GALNT18: variants seen among roughly 807,000 people sequenced by gnomAD.
GALNT18 encodes GalNAc-transferase 18.
GALNT18 carries 44 observed loss-of-function variants against 69.5 expected under a neutral mutation model. The ratio of observed to expected loss-of-function variants is 0.63; its 90% CI spans 0.50 to 0.81. The LOEUF is 0.81. Ranked by LOEUF, GALNT18 falls within the 40% of genes least tolerant of loss-of-function variation. The pLI is 0.00. For synonymous variants in GALNT18, 364 were observed against 318.2 expected (o/e 1.14, Z -1.53); for missense variants, 715 against 810.0 (o/e 0.88, Z 1.42).
chr11:11,554,963 G>A (rs1315078886), intron 1 of GALNT18, among the ~76,000 whole-genome samples: 1 of 152,180 alleles, frequency 6.6e-6, no homozygotes, highest in Non-Finnish European at 1.5e-5. Context: ...AGCCTCCTGG[G>A]AAGGAAACAC....
rs1589982624 is a variant in GALNT18 at position 11,415,658 on chromosome 11, A to G, written c.595+16963T>C. Among the ~76,000 whole-genome samples the G allele has an allele frequency of 1.3e-5, 2 of 152,290 alleles. No homozygotes were observed. The highest frequency in any genetic ancestry group is 2.1e-4 in the South Asian group (1 of 4,818). ...CCTATGGTTCTCAATCCCTTCATCTAAAGTGGGCATAAAAACCCTAAAACA... is the reference window on the plus strand; with the variant it reads ...CCTATGGTTCTCAATCCCTTCATCTGAAGTGGGCATAAAAACCCTAAAACA... On this transcript the variant is annotated intron_variant, in intron 3 of 10. Coordinates refer to ENST00000227756, the MANE Select transcript of GALNT18 (RefSeq NM_198516.3). The surrounding 1 kb of genome is among the most constrained non-coding windows in gnomAD (Gnocchi z 4.1).
rs1314994760 is a variant in GALNT18 at position 11,379,113 on chromosome 11, G to A, written c.747C>T (p.Leu249=). The A allele has an allele frequency of 1.2e-6, 2 of 1,609,440 alleles. No homozygotes were observed. Among genetic ancestry groups the A allele is most frequent in the Non-Finnish European group, 1.7e-6 (2 of 1,179,612 alleles). Residue 249 remains leucine (L), a synonymous_variant, in exon 4 of 11, where the codon CTC becomes CTT. Coordinates refer to ENST00000227756, the MANE Select transcript of GALNT18 (RefSeq NM_198516.3). Reference sequence around the variant, plus strand: ...CATTGAACTCCACGTGGGCATCAAAGAGTGCCACCACAGGGGCAGTGGCCG... The same window carrying A: ...CATTGAACTCCACGTGGGCATCAAAAAGTGCCACCACAGGGGCAGTGGCCG... The part of the protein sequence containing the change: ...WRAATAPVVA[L]FDAHVEFNVG...
At chr11:11,290,922 G>C (rs527913851) in intron 10 of GALNT18, among the ~76,000 whole-genome samples, 31 of 152,226 alleles carry the variant, frequency 2.0e-4, no homozygotes, top group Middle Eastern at 3.4e-3. Flanking sequence ...ACGGAGCCCG[G>C]AATATGCACT....
Position 11,345,538 on chromosome 11 carries a change from G to A in GALNT18, c.1093-4534C>T, listed in dbSNP as rs180826184. Among the ~76,000 whole-genome samples, 833 of 152,280 alleles carry A rather than the reference G, an allele frequency of 5.5e-3. 7 individuals are homozygous for A. The highest frequency in any genetic ancestry group is 0.019 in the African/African-American group (788 of 41,548). ...CTGTGGAGGATTGGGAGGGGCAGGG[G>A]ATAAGGAAGGGAGAGAAAGGGAGCT... On this transcript the variant is annotated intron_variant, in intron 6 of 10. Transcript: ENST00000227756.
chr11:11,302,830 G>A (rs1849521307), intron 9 of GALNT18, among the ~76,000 whole-genome samples: 1 of 152,242 alleles, frequency 6.6e-6, no homozygotes, highest in South Asian at 2.1e-4. Context: ...AAAAGGCAGA[G>A]AGACTGACAG....
intron 8 of GALNT18, among the ~76,000 whole-genome samples, chr11:11,330,700 GT>G (rs1244792594): frequency 6.6e-6 from 1 of 152,234 alleles, no homozygotes; most frequent in Non-Finnish European, 1.5e-5. Context: ...TTGCCACTTA[GT>G]ATTTGACAAA....
Position 11,402,967 on chromosome 11 carries a change from C to T in GALNT18, c.596-23703G>A, listed in dbSNP as rs1854501466. Among the ~76,000 whole-genome samples, 1 of 152,148 alleles carries T rather than the reference C, an allele frequency of 6.6e-6. No individual in the cohort carries two copies. The highest frequency in any genetic ancestry group is 2.4e-5 in the African/African-American group (1 of 41,424). On this transcript the variant is annotated intron_variant, in intron 3 of 10. Transcript: ENST00000227756. The surrounding 1 kb of genome is among the most constrained non-coding windows in gnomAD (Gnocchi z 4.0). ...CAGGCATTCCCCTGAGGAAAGTGAG[C>T]CTCAGAACTGGGAAAGAAAAGTGAT...
chr11:11,302,610 A>G (rs1205464995), intron 9 of GALNT18, among the ~76,000 whole-genome samples: 2 of 152,208 alleles, frequency 1.3e-5, no homozygotes, highest in South Asian at 4.1e-4. Context: ...CAGATCACAG[A>G]GGAGGCACAA....
chr11:11,274,249 G>C (rs918740714), intron 10 of GALNT18, among the ~76,000 whole-genome samples: 1 of 152,184 alleles, frequency 6.6e-6, no homozygotes, highest in African/African-American at 2.4e-5. Context: ...AAAACAGGGT[G>C]GCTGTTTGGG....
chr11:11,523,737 C>T lies in GALNT18; in HGVS notation c.236-74801G>A, dbSNP rs1263672180. On this transcript the variant is annotated intron_variant, in intron 1 of 10. Transcript: ENST00000227756. This position sits in a 1 kb window ranked among gnomAD's most constrained non-coding sequence, Gnocchi z 4.3. The stretch of plus-strand genomic sequence containing the variant: ...CCATCTCAAAAAAAAAAAAAAATAT[C>T]GTACACCCTGCCTCCCTGGGAAAGG... Among the ~76,000 whole-genome samples, 2 of 150,882 alleles carry T rather than the reference C, an allele frequency of 1.3e-5. No individual in the cohort carries two copies. The highest frequency in any genetic ancestry group is 6.6e-5 in the Admixed American group (1 of 15,186).
intron 1 of GALNT18, among the ~76,000 whole-genome samples, chr11:11,451,226 T>C (rs1045763453): frequency 1.3e-5 from 2 of 152,168 alleles, no homozygotes; most frequent in African/African-American, 4.8e-5. Flanking sequence ...TTGAAGGTCC[T>C]TGTTATCTCT....
chr11:11,513,719 A>C (rs543631881), intron 1 of GALNT18, among the ~76,000 whole-genome samples: 1 of 152,378 alleles, frequency 6.6e-6, no homozygotes, highest in South Asian at 2.1e-4. Context: ...GGACGTTTAC[A>C]TAGGTCACAG....
chr11:11,486,112 G>A (rs1054340494), intron 1 of GALNT18, among the ~76,000 whole-genome samples: 2 of 152,198 alleles, frequency 1.3e-5, no homozygotes, highest in Admixed American at 6.5e-5. Context: ...CATGCTGGAA[G>A]CTGTGAGATT....
intron 7 of GALNT18, among the ~76,000 whole-genome samples, chr11:11,334,584 G>A (rs563143055): frequency 7.1e-4 from 108 of 151,972 alleles, no homozygotes; most frequent in Non-Finnish European, 1.3e-3. Context: ...ATATAAAAGA[G>A]ATAGATTCCT....
chr11:11,536,250 ACTC>A (rs1488231222), intron 1 of GALNT18, among the ~76,000 whole-genome samples: 1 of 152,184 alleles, frequency 6.6e-6, no homozygotes, highest in Non-Finnish European at 1.5e-5. Flanking sequence ...TCCTCACTGA[ACTC>A]AATCCAACAG....
intron 1 of GALNT18, among the ~76,000 whole-genome samples, chr11:11,472,930 T>A (rs1464353086): frequency 6.6e-6 from 1 of 152,016 alleles, no homozygotes; most frequent in Non-Finnish European, 1.5e-5. Flanking sequence ...AGGTTGAGGT[T>A]GCAGTGAGCC....
At chr11:11,475,943 C>G (rs1305494541) in intron 1 of GALNT18, 1 of 152,206 alleles carries the variant, frequency 6.6e-6, no homozygotes, top group African/African-American at 2.4e-5. Context: ...AGGAACAGAG[C>G]TGGGGGAGCC....
chr11:11,478,695 G>A (rs963629237), intron 1 of GALNT18, among the ~76,000 whole-genome samples: 1 of 152,300 alleles, frequency 6.6e-6, no homozygotes, highest in African/African-American at 2.4e-5. Flanking sequence ...CTGTGTCTGG[G>A]GTTGGCCTGT....
intron 1 of GALNT18, among the ~76,000 whole-genome samples, chr11:11,570,835 G>A (rs1858777254): frequency 1.3e-5 from 2 of 152,180 alleles, no homozygotes; most frequent in Admixed American, 1.3e-4. Context: ...GTTGAACAAT[G>A]GAATGAACAG....
Sources: allele counts gnomAD v4.1 joint callset (sites outside exome capture counted in the v4.1 genomes callset), GRCh38; gene constraint gnomAD v4.1.1; non-coding constraint Gnocchi (gnomAD v3.1); transcripts MANE v1.5; gene names NCBI Gene and HGNC (gene_info 2026-07-23, HGNC 2026-07-21).